RAB38: variants seen among roughly 807,000 people sequenced by gnomAD.
The protein encoded by RAB38 is ras-related protein Rab-38.
RAB38 carries 15 observed loss-of-function variants against 18.4 expected under a neutral mutation model. That is an observed-to-expected ratio of 0.82 (90% CI 0.55 to 1.26). The LOEUF (loss-of-function observed/expected upper bound fraction) is 1.26. RAB38 is among the 50% of genes most tolerant of loss of function. The pLI is 0.00. For missense variants in RAB38, 294 were observed against 267.4 expected, an observed-to-expected ratio of 1.10 and a Z score of -0.69; for synonymous variants, 101 against 104.4, an observed-to-expected ratio of 0.97 and a Z score of 0.20.
the RAB38 span, among the ~76,000 whole-genome samples, chr11:87,868,440 T>C: frequency 6.6e-6 from 1 of 151,572 alleles, no homozygotes; most frequent in East Asian, 2.0e-4. Flanking sequence ...ATAAACTTCT[T>C]TTCTTTATGA....
At chr11:88,018,710 A>G in the RAB38 span, among the ~76,000 whole-genome samples, 5 of 152,298 alleles carry the variant, frequency 3.3e-5, no homozygotes, top group African/African-American at 1.2e-4. Flanking sequence ...TAATATTTGC[A>G]TATAACCTCC....
the RAB38 span, among the ~76,000 whole-genome samples, chr11:88,073,499 G>T: frequency 1.3e-5 from 2 of 152,042 alleles, no homozygotes; most frequent in African/African-American, 4.8e-5. Flanking sequence ...AAAAAGAAAA[G>T]AAAGAGAGAG....
chr11:88,034,994 A>G, the RAB38 span, among the ~76,000 whole-genome samples: 1 of 152,176 alleles, frequency 6.6e-6, no homozygotes, highest in African/African-American at 2.4e-5. Context: ...AACATTTGTT[A>G]ATGTCGTTTT....
chr11:88,045,667 G>A, the RAB38 span, among the ~76,000 whole-genome samples: 3 of 152,172 alleles, frequency 2.0e-5, no homozygotes, highest in Admixed American at 2.0e-4. Context: ...GACGATCGAC[G>A]CTGCCTGATT....
downstream of RAB38, among the ~76,000 whole-genome samples, chr11:88,109,265 T>C (rs988347618): frequency 6.6e-6 from 1 of 152,152 alleles, no homozygotes; most frequent in Non-Finnish European, 1.5e-5. Context: ...AAACAAGCCA[T>C]GCGGAAAGGA....
chr11:87,955,968 A>G, the RAB38 span, among the ~76,000 whole-genome samples: 1 of 152,114 alleles, frequency 6.6e-6, no homozygotes, highest in Non-Finnish European at 1.5e-5. Flanking sequence ...GAGAAAATGC[A>G]ATTTTATAAA....
chr11:88,037,025 T>A, the RAB38 span, among the ~76,000 whole-genome samples: 2 of 152,062 alleles, frequency 1.3e-5, no homozygotes, highest in Non-Finnish European at 2.9e-5. Context: ...ATTTTATTTC[T>A]ATGCTTTGGA....
At chr11:87,955,407 G>A in the RAB38 span, among the ~76,000 whole-genome samples, 1 of 152,122 alleles carries the variant, frequency 6.6e-6, no homozygotes, top group Non-Finnish European at 1.5e-5. Context: ...TAGGTACCAT[G>A]CTCACTACTA....
chr11:88,079,365 C>T, the RAB38 span, among the ~76,000 whole-genome samples: 6 of 151,620 alleles, frequency 4.0e-5, no homozygotes, highest in African/African-American at 1.5e-4. Context: ...TATCATAGCT[C>T]GTGTAAGGAA....
chr11:87,856,495 C>T, the RAB38 span, among the ~76,000 whole-genome samples: 2 of 152,132 alleles, frequency 1.3e-5, no homozygotes, highest in African/African-American at 4.8e-5. Flanking sequence ...CAGCAACCAA[C>T]CCTACTTATC....
At chr11:88,035,826 A>C in the RAB38 span, among the ~76,000 whole-genome samples, 1 of 152,062 alleles carries the variant, frequency 6.6e-6, no homozygotes, top group Non-Finnish European at 1.5e-5. Flanking sequence ...CAGGAGGAAA[A>C]ATAGTGGTGC....
At chr11:87,872,548 T>C in the RAB38 span, among the ~76,000 whole-genome samples, 3 of 151,508 alleles carry the variant, frequency 2.0e-5, no homozygotes, top group Non-Finnish European at 4.4e-5. Flanking sequence ...TCCACTATTA[T>C]GGTATCAGAA....
the RAB38 span, among the ~76,000 whole-genome samples, chr11:87,811,311 T>C: frequency 6.6e-6 from 1 of 152,226 alleles, no homozygotes; most frequent in East Asian, 1.9e-4. Flanking sequence ...TGTCAGTAGC[T>C]GTGGATCATC....
the RAB38 span, among the ~76,000 whole-genome samples, chr11:88,022,436 G>A: frequency 1.3e-5 from 2 of 151,548 alleles, no homozygotes; most frequent in African/African-American, 2.4e-5. Flanking sequence ...CTTAGATCTG[G>A]ACACAATAAG....
At chr11:87,941,214 G>GATATATATATATATATATATAT in the RAB38 span, among the ~76,000 whole-genome samples, 424 of 62,452 alleles carry the variant, frequency 6.8e-3, 37 homozygotes, top group African/African-American at 0.012. Flanking sequence ...AAATATATGA[G>GATATATATATATATATATATAT]ATATATATAT....
chr11:88,119,928 G>T (rs1233549793), intron 2 of RAB38, among the ~76,000 whole-genome samples: 1 of 152,192 alleles, frequency 6.6e-6, no homozygotes, highest in Non-Finnish European at 1.5e-5. Context: ...TCTCTGAGAA[G>T]ATTTAGCACT....
At chr11:87,885,125 A>G in the RAB38 span, among the ~76,000 whole-genome samples, 13 of 152,018 alleles carry the variant, frequency 8.6e-5, no homozygotes, top group Admixed American at 8.5e-4. Flanking sequence ...ATTTAAGAGA[A>G]GACATTCAAC....
At chr11:88,118,598 T>C (rs1038367075) in intron 2 of RAB38, among the ~76,000 whole-genome samples, 1 of 152,150 alleles carries the variant, frequency 6.6e-6, no homozygotes, top group African/African-American at 2.4e-5. Context: ...AGTCACAACA[T>C]CTCCAGGGGC....
intron 1 of RAB38, among the ~76,000 whole-genome samples, chr11:88,157,518 C>G (rs1234090139): frequency 6.6e-6 from 1 of 152,172 alleles, no homozygotes; most frequent in African/African-American, 2.4e-5. Flanking sequence ...ACGGAATACT[C>G]TACCCATCAA....
Sources: allele counts gnomAD v4.1 joint callset (sites outside exome capture counted in the v4.1 genomes callset), GRCh38; gene constraint gnomAD v4.1.1; transcripts MANE v1.5; gene names NCBI Gene and HGNC (gene_info 2026-07-23, HGNC 2026-07-21).